OR6M1: variants seen among roughly 807,000 people sequenced by gnomAD.
OR6M1 encodes the protein olfactory receptor 6M1.
For synonymous variants in OR6M1, 167 were observed against 146.3 expected (o/e 1.14, Z -1.02); for missense variants, 364 against 377.8 (o/e 0.96, Z 0.30).
chr11:123,805,784 GTATT>G lies in OR6M1; in HGVS notation c.562_565del (p.Asn188LeufsTer7), dbSNP rs770494276. ...AAAGTTTATCTTCTCAATGAGGTGA[GTATT>G]TATACAGGCCACCTGAAGAAGAGGG... On this transcript the variant is annotated frameshift_variant, in exon 1 of 1. Coordinates refer to ENST00000309154, the MANE Select transcript of OR6M1 (RefSeq NM_001005325.1). LOFTEE classifies it low-confidence loss of function (END_TRUNC). 3.7e-6 allele frequency: 6 copies of G among 1,614,010 alleles called. No individual in the cohort carries two copies. The highest frequency in any genetic ancestry group is 4.2e-6 in the Non-Finnish European group (5 of 1,179,932).
rs765171842 is a variant in OR6M1 at position 123,805,619 on chromosome 11, A to G, written c.731T>C (p.Val244Ala). 3.1e-6 allele frequency: 5 copies of G among 1,614,030 alleles called. No homozygotes were observed. Among genetic ancestry groups the G allele is most frequent in the Middle Eastern group, 3.3e-4 (2 of 6,056 alleles). The change falls in exon 1 of 1, where the codon GTT becomes GCT. Residue 244 changes from valine to alanine, a missense_variant. Coordinates refer to ENST00000309154, the MANE Select transcript of OR6M1 (RefSeq NM_001005325.1). ...AFSTCASHITVVSIAHGSNIF... is the reference protein window; with the variant it reads ...AFSTCASHITAVSIAHGSNIF... ...GTTGCTCCCGTGGGCAATGGAGACA[A>G]CAGTGATGTGAGAAGCACAGGTAGA...
rs1308991024 is a variant in OR6M1, at chr11:123,805,457, A to C, written c.893T>G (p.Leu298Trp). 1.2e-6 allele frequency: 2 copies of C among 1,613,780 alleles called. No homozygotes were observed. Among genetic ancestry groups the C allele is most frequent in the Non-Finnish European group, 1.7e-6 (2 of 1,179,832 alleles). ...CATGATTCTGTTCACTGTCTCTCTC[A>C]ACACTTCCTGTACCTTCTCATTCCT... is the stretch of plus-strand genomic sequence containing the variant. ...SLRNEKVQEV[L>W]RETVNRIMTL... Residue 298 changes from leucine to tryptophan, a missense_variant, in exon 1 of 1, where the codon TTG becomes TGG. Physicochemically the swap from Leu to Trp is moderately conservative, Grantham distance 61 (BLOSUM62 -2). Coordinates refer to ENST00000309154, the MANE Select transcript of OR6M1 (RefSeq NM_001005325.1).
rs749564549 is a variant in OR6M1, at chr11:123,805,582, A to C, written c.768T>G (p.Tyr256Ter). 1.9e-6 allele frequency: 3 copies of C among 1,614,026 alleles called. No homozygotes were observed. The highest frequency in any genetic ancestry group is 2.2e-5 in the East Asian group (1 of 44,834). ...GTGAGGAGTTCTGATTGGGTCTCAC[A>C]TACACAAAGATGTTGCTCCCGTGGG... ...SIAHGSNIFVYVRPNQNSSLD... is the reference protein window; with the variant it reads ...SIAHGSNIFV The change falls in exon 1 of 1, where the codon TAT (tyrosine) becomes TAG (stop). Residue 256 changes from tyrosine (Y) to a stop codon, truncating the protein, a stop_gained. Coordinates refer to ENST00000309154, the MANE Select transcript of OR6M1 (RefSeq NM_001005325.1). LOFTEE classifies it low-confidence loss of function (END_TRUNC).
Position 123,805,481 on chromosome 11 carries a change from C to T in OR6M1, c.869G>A (p.Arg290Lys), listed in dbSNP as rs1436261896. The T allele has an allele frequency of 1.9e-6, 3 of 1,613,882 alleles. No homozygotes were observed. The African/African-American group carries it at 4.0e-5, about 22-fold the overall frequency. The change falls in exon 1 of 1, where the codon AGG (arginine) becomes AAG (lysine). Residue 290 changes from arginine (R) to lysine (K), a missense_variant. Physicochemically the swap from Arg to Lys is conservative, Grantham distance 26 (BLOSUM62 2). Coordinates refer to ENST00000309154, the MANE Select transcript of OR6M1 (RefSeq NM_001005325.1). Reference protein sequence around the residue: ...PLLNPFIYSLRNEKVQEVLRE... With the variant: ...PLLNPFIYSLKNEKVQEVLRE... ...CAACACTTCCTGTACCTTCTCATTC[C>T]TCAAGCTGTAGATAAAAGGGTTCAG...
Position 123,805,792 on chromosome 11 carries a change from A to C in OR6M1, c.558T>G (p.Cys186Trp), listed in dbSNP as rs368387311. Residue 186 changes from cysteine to tryptophan, a missense_variant, in exon 1 of 1, where the codon TGT becomes TGG. Cys to Trp is a radical substitution (Grantham distance 215, BLOSUM62 -2). Transcript: ENST00000309154. ...CDIAPLLQVACINTHLIEKIN... is the reference protein window; with the variant it reads ...CDIAPLLQVAWINTHLIEKIN... ...TCTTCTCAATGAGGTGAGTATTTAT[A>C]CAGGCCACCTGAAGAAGAGGGGCAA... is the stretch of plus-strand genomic sequence containing the variant. 2 of 1,613,940 alleles carry C rather than the reference A, an allele frequency of 1.2e-6. No individual in the cohort carries two copies. Among genetic ancestry groups the C allele is most frequent in the Non-Finnish European group, 1.7e-6 (2 of 1,179,982 alleles).
At position 123,805,644 on chromosome 11, in the gene OR6M1, A is replaced by G. The variant is rs566990688; in HGVS notation, c.706T>C (p.Ser236Pro). The change falls in exon 1 of 1, where the codon TCT (serine) becomes CCT (proline). Residue 236 changes from serine to proline, a missense_variant. Transcript: ENST00000309154. ...PSTQGRQKAF[S>P]TCASHITVVS... ...ACAGTGATGTGAGAAGCACAGGTAG[A>G]AAAAGCTTTCTGACGGCCCTGGGTG... 16 of 1,614,042 alleles carry G rather than the reference A, an allele frequency of 9.9e-6. No homozygotes were observed. In the African/African-American group the frequency reaches 1.9e-4, roughly 19 times the overall value.
Position 123,805,866 on chromosome 11 carries a change from T to G in OR6M1, c.484A>C (p.Thr162Pro), listed in dbSNP as rs1336215281. Reference sequence around the variant, plus strand: ...TCTTTCCTACAGTAAGGTAGCCTTGTCACTACAATGGTTGGAAACAACACA... The same window carrying G: ...TCTTTCCTACAGTAAGGTAGCCTTGGCACTACAATGGTTGGAAACAACACA... ...LSVLFPTIVVTRLPYCRKEIN... is the reference protein window; with the variant it reads ...LSVLFPTIVVPRLPYCRKEIN... Residue 162 changes from threonine (T) to proline (P), a missense_variant, in exon 1 of 1, where the codon ACA (threonine) becomes CCA (proline). By Grantham distance (38) the Thr-to-Pro change is conservative. Transcript: ENST00000309154. 2 of 1,613,854 alleles carry G rather than the reference T, an allele frequency of 1.2e-6. No individual in the cohort carries two copies. Among genetic ancestry groups the G allele is most frequent in the African/African-American group, 2.7e-5 (2 of 74,884 alleles).
At position 123,805,557 on chromosome 11, in the gene OR6M1, G is replaced by T; in HGVS notation, c.793C>A (p.Leu265Met). 6.2e-7 allele frequency: 1 copy of T among 1,614,010 alleles called. No homozygotes were observed. The highest frequency in any genetic ancestry group is 8.5e-7 in the Non-Finnish European group (1 of 1,179,992). Reference sequence around the variant, plus strand: ...ACAGCGGCCACCTTGTCATAATCCAGTGAGGAGTTCTGATTGGGTCTCACA... The same window carrying T: ...ACAGCGGCCACCTTGTCATAATCCATTGAGGAGTTCTGATTGGGTCTCACA... ...VYVRPNQNSS[L>M]DYDKVAAVLI... The change falls in exon 1 of 1, where the codon CTG becomes ATG. Residue 265 changes from leucine to methionine, a missense_variant. Leu to Met is a conservative substitution (Grantham distance 15, BLOSUM62 2). Coordinates refer to ENST00000309154, the MANE Select transcript of OR6M1 (RefSeq NM_001005325.1).
rs1316865132 is a variant in OR6M1 at position 123,806,218 on chromosome 11, G to T, written c.132C>A (p.Ile44=). 1 of 1,613,990 alleles carries T rather than the reference G, an allele frequency of 6.2e-7. No homozygotes were observed. The highest frequency in any genetic ancestry group is 8.5e-7 in the Non-Finnish European group (1 of 1,179,886). ...GGCGATGATCAATCCATATCAGGGA[G>T]ATGATGGTGATGTTTCCTGTTGCTG... is the stretch of plus-strand genomic sequence containing the variant. The part of the protein sequence containing the change: ...TLTATGNITI[I]SLIWIDHRLQ... The change falls in exon 1 of 1, where the codon ATC becomes ATA. Residue 44 remains isoleucine (I), a synonymous_variant. Coordinates refer to ENST00000309154, the MANE Select transcript of OR6M1 (RefSeq NM_001005325.1).
rs113975075 is a variant in OR6M1, at chr11:123,805,877, G to T, written c.473C>A (p.Thr158Asn). The change falls in exon 1 of 1, where the codon ACC (threonine) becomes AAC (asparagine). Residue 158 changes from threonine to asparagine, a missense_variant. By Grantham distance (65) the Thr-to-Asn change is moderately conservative. Coordinates refer to ENST00000309154, the MANE Select transcript of OR6M1 (RefSeq NM_001005325.1). ...GTAAGGTAGCCTTGTCACTACAATGGTTGGAAACAACACAGACAGGAAGGC... is the reference window on the plus strand; with the variant it reads ...GTAAGGTAGCCTTGTCACTACAATGTTTGGAAACAACACAGACAGGAAGGC... The part of the protein sequence containing the change: ...VGAFLSVLFP[T>N]IVVTRLPYCR... The T allele has an allele frequency of 3.7e-6, 6 of 1,613,948 alleles. No individual in the cohort carries two copies. The Admixed American group carries it at 6.7e-5, about 18-fold the overall frequency.
rs1165739458 is a variant in OR6M1, at chr11:123,806,235, C to T, written c.115G>A (p.Gly39Arg). Reference sequence around the variant, plus strand: ...ATCAGGGAGATGATGGTGATGTTTCCTGTTGCTGTTAATGTGTAAGTTACC... The same window carrying T: ...ATCAGGGAGATGATGGTGATGTTTCTTGTTGCTGTTAATGTGTAAGTTACC... ...LVVTYTLTAT[G>R]NITIISLIWI... Residue 39 changes from glycine to arginine, a missense_variant, in exon 1 of 1, where the codon GGA (glycine) becomes AGA (arginine). Coordinates refer to ENST00000309154, the MANE Select transcript of OR6M1 (RefSeq NM_001005325.1). 2 of 1,613,800 alleles carry T rather than the reference C, an allele frequency of 1.2e-6. No homozygotes were observed. The highest frequency in any genetic ancestry group is 1.7e-6 in the Non-Finnish European group (2 of 1,179,920).
chr11:123,805,928 A>T lies in OR6M1; in HGVS notation c.422T>A (p.Leu141Gln), dbSNP rs776191670. ...TVIMNSRACL[L>Q]LVLGCWVGAF... ...TCCCACCCAGCATCCCAGAACCAGC[A>T]GAAGGCAGGCCCTGCTGTTCATGAT... The change falls in exon 1 of 1, where the codon CTG (leucine) becomes CAG (glutamine). Residue 141 changes from leucine (L) to glutamine (Q), a missense_variant. By Grantham distance (113) the Leu-to-Gln change is moderately radical. Transcript: ENST00000309154. The T allele has an allele frequency of 1.9e-6, 3 of 1,613,820 alleles. No homozygotes were observed. Among genetic ancestry groups the T allele is most frequent in the Non-Finnish European group, 2.5e-6 (3 of 1,179,876 alleles).
chr11:123,806,340 A>G lies in OR6M1; in HGVS notation c.10T>C (p.Trp4Arg), dbSNP rs575728733. The G allele has an allele frequency of 3.1e-6, 5 of 1,605,730 alleles. No homozygotes were observed. The South Asian group carries it at 4.4e-5, about 14-fold the overall frequency. The change falls in exon 1 of 1, where the codon TGG (tryptophan) becomes CGG (arginine). Residue 4 changes from tryptophan (W) to arginine (R), a missense_variant. Transcript: ENST00000309154. ...AGGGTGATTTCAGTCACAGTGCTCC[A>G]GTTTCCCATGACAACTACTATATGG... MGN[W>R]STVTEITLIA...
chr11:123,805,891 A>G lies in OR6M1; in HGVS notation c.459T>C (p.Ser153=), dbSNP rs778640982. The change falls in exon 1 of 1, where the codon TCT becomes TCC. Residue 153 remains serine (S), a synonymous_variant. Coordinates refer to ENST00000309154, the MANE Select transcript of OR6M1 (RefSeq NM_001005325.1). ...TCACTACAATGGTTGGAAACAACAC[A>G]GACAGGAAGGCTCCCACCCAGCATC... ...VLGCWVGAFL[S]VLFPTIVVTR... 8 of 1,614,004 alleles carry G rather than the reference A, an allele frequency of 5.0e-6. No homozygotes were observed. Among genetic ancestry groups the G allele is most frequent in the South Asian group, 4.4e-5 (4 of 91,062 alleles).
chr11:123,805,886 AAC>A lies in OR6M1; in HGVS notation c.462_463del (p.Leu155ValfsTer13), dbSNP rs1862383633. ...CCTTGTCACTACAATGGTTGGAAAC[AAC>A]ACAGACAGGAAGGCTCCCACCCAGC... On this transcript the variant is annotated frameshift_variant, in exon 1 of 1. Transcript: ENST00000309154. LOFTEE classifies it low-confidence loss of function (END_TRUNC). 6.2e-7 allele frequency: 1 copy of A among 1,614,014 alleles called. No homozygotes were observed.
chr11:123,806,248 T>C lies in OR6M1; in HGVS notation c.102A>G (p.Thr34=). ...SLFVVLVVTY[T]LTATGNITII... Reference sequence around the variant, plus strand: ...TGGTGATGTTTCCTGTTGCTGTTAATGTGTAAGTTACCACAAGAACCACGA... The same window carrying C: ...TGGTGATGTTTCCTGTTGCTGTTAACGTGTAAGTTACCACAAGAACCACGA... Residue 34 remains threonine (T), a synonymous_variant, in exon 1 of 1, where the codon ACA becomes ACG. Transcript: ENST00000309154. 17 of 1,614,072 alleles carry C rather than the reference T, an allele frequency of 1.1e-5. No homozygotes were observed. Among genetic ancestry groups the C allele is most frequent in the Non-Finnish European group, 1.3e-5 (15 of 1,179,972 alleles).
rs780434554 is a variant in OR6M1, at chr11:123,805,863, T to G, written c.487A>C (p.Arg163=). 1.2e-5 allele frequency: 19 copies of G among 1,613,836 alleles called. No homozygotes were observed. In the African/African-American group the frequency reaches 1.9e-4, roughly 16 times the overall value. ...SVLFPTIVVT[R]LPYCRKEINH... is the part of the protein sequence containing the mutation. ...ATTTCTTTCCTACAGTAAGGTAGCC[T>G]TGTCACTACAATGGTTGGAAACAAC... is the stretch of plus-strand genomic sequence containing the variant. The change falls in exon 1 of 1, where the codon AGG becomes CGG. Residue 163 remains arginine (R), a synonymous_variant. Transcript: ENST00000309154.
Position 123,806,222 on chromosome 11 carries a change from A to T in OR6M1, c.128T>A (p.Ile43Asn), listed in dbSNP as rs1163606139. ...ATGATCAATCCATATCAGGGAGATG[A>T]TGGTGATGTTTCCTGTTGCTGTTAA... ...YTLTATGNIT[I>N]ISLIWIDHRL... The change falls in exon 1 of 1, where the codon ATC (isoleucine) becomes AAC (asparagine). Residue 43 changes from isoleucine to asparagine, a missense_variant. Physicochemically the swap from Ile to Asn is moderately radical, Grantham distance 149 (BLOSUM62 -3). Coordinates refer to ENST00000309154, the MANE Select transcript of OR6M1 (RefSeq NM_001005325.1). The T allele has an allele frequency of 6.2e-7, 1 of 1,613,868 alleles. No homozygotes were observed. Among genetic ancestry groups the T allele is most frequent in the Admixed American group, 1.7e-5 (1 of 59,970 alleles).
chr11:123,805,770 T>C lies in OR6M1; in HGVS notation c.580A>G (p.Lys194Glu). 1 of 1,613,934 alleles carries C rather than the reference T, an allele frequency of 6.2e-7. No individual in the cohort carries two copies. The highest frequency in any genetic ancestry group is 8.5e-7 in the Non-Finnish European group (1 of 1,179,902). The stretch of plus-strand genomic sequence containing the variant: ...AGGGCAGAGAGGAGAAAGTTTATCT[T>C]CTCAATGAGGTGAGTATTTATACAG... ...VACINTHLIE[K>E]INFLLSALVI... The change falls in exon 1 of 1, where the codon AAG becomes GAG. Residue 194 changes from lysine to glutamate, a missense_variant. Coordinates refer to ENST00000309154, the MANE Select transcript of OR6M1 (RefSeq NM_001005325.1).
Sources: allele counts gnomAD v4.1 joint callset, GRCh38; gene constraint gnomAD v4.1.1; transcripts MANE v1.5; gene names NCBI Gene and HGNC (gene_info 2026-07-23, HGNC 2026-07-21).